SLC4A4: variants seen among roughly 807,000 people sequenced by gnomAD.
SLC4A4 encodes electrogenic sodium bicarbonate cotransporter 1.
SLC4A4 carries 27 observed loss-of-function variants against 111.5 expected under a neutral mutation model. The ratio of observed to expected loss-of-function variants is 0.24; its 90% CI spans 0.18 to 0.33. The LOEUF (loss-of-function observed/expected upper bound fraction) is 0.33. Ranked by LOEUF, SLC4A4 falls within the 10% of genes least tolerant of loss-of-function variation. SLC4A4 has a pLI of 1.00. For missense variants in SLC4A4, 909 were observed against 1,315.5 expected (o/e 0.69, Z 4.78); for synonymous variants, 443 against 463.4 (o/e 0.96, Z 0.57).
At chr4:71,376,885 C>T (rs564705677) in intron 6 of SLC4A4, among the ~76,000 whole-genome samples, 1 of 152,156 alleles carries the variant, frequency 6.6e-6, no homozygotes, top group Non-Finnish European at 1.5e-5. Flanking sequence ...TATCCACCTG[C>T]CTCAGCCTCC....
At chr4:71,135,677 T>A (rs907048471) in intron 2 of SLC4A4, among the ~76,000 whole-genome samples, 4 of 152,224 alleles carry the variant, frequency 2.6e-5, no homozygotes, top group Admixed American at 2.6e-4. Context: ...ATAGATTTCT[T>A]GAACTTATTT....
At chr4:71,232,516 GTCC>G (rs1719501629) in intron 1 of SLC4A4, among the ~76,000 whole-genome samples, 3 of 152,142 alleles carry the variant, frequency 2.0e-5, no homozygotes, top group Admixed American at 2.0e-4. Flanking sequence ...GGATCAAGCA[GTCC>G]TCCTATCTCA....
chr4:71,100,567 A>G (rs1742697102), intron 2 of SLC4A4, among the ~76,000 whole-genome samples: 1 of 152,316 alleles, frequency 6.6e-6, no homozygotes, highest in South Asian at 2.1e-4. Flanking sequence ...CACAACATCT[A>G]TTCAACATAG....
At chr4:71,421,171 G>A (rs1371133924) in intron 7 of SLC4A4, among the ~76,000 whole-genome samples, 2 of 151,726 alleles carry the variant, frequency 1.3e-5, no homozygotes, top group Non-Finnish European at 2.9e-5. Flanking sequence ...ACAAAAAAAG[G>A]TAGGGGTTTC....
chr4:71,435,076 A>G (rs1001240568), intron 7 of SLC4A4, among the ~76,000 whole-genome samples: 8 of 152,216 alleles, frequency 5.3e-5, no homozygotes, highest in Non-Finnish European at 1.0e-4. Flanking sequence ...ACTACTTTGA[A>G]GTTCACATGG....
intron 18 of SLC4A4, among the ~76,000 whole-genome samples, chr4:71,539,168 T>A (rs1238195239): frequency 1.3e-5 from 2 of 152,142 alleles, no homozygotes; most frequent in Admixed American, 6.6e-5. Flanking sequence ...TCATTTTTCC[T>A]TTTTATTTCT....
intron 24 of SLC4A4, among the ~76,000 whole-genome samples, chr4:71,565,198 T>C (rs770839840): frequency 6.6e-6 from 1 of 151,898 alleles, no homozygotes; most frequent in Non-Finnish European, 1.5e-5. Flanking sequence ...AACTCATTTA[T>C]TTGGCCCACG....
At chr4:71,537,190 T>C (rs955423851) in intron 18 of SLC4A4, among the ~76,000 whole-genome samples, 1 of 151,878 alleles carries the variant, frequency 6.6e-6, no homozygotes, top group Non-Finnish European at 1.5e-5. Context: ...TTCTTAGTAA[T>C]ATCCTCTCCT....
At chr4:71,175,501 G>A (rs1578551989) in intron 2 of SLC4A4, among the ~76,000 whole-genome samples, 1 of 152,216 alleles carries the variant, frequency 6.6e-6, no homozygotes, top group East Asian at 1.9e-4. Flanking sequence ...TTTTCCAATG[G>A]TCTTAGCAAA....
At chr4:71,512,694 A>T (rs1400540269) in intron 16 of SLC4A4, among the ~76,000 whole-genome samples, 1 of 152,142 alleles carries the variant, frequency 6.6e-6, no homozygotes, top group Non-Finnish European at 1.5e-5. Context: ...GATCTTAATC[A>T]TAAATTATTT....
chr4:71,345,921 A>G (rs1051363310), intron 4 of SLC4A4, among the ~76,000 whole-genome samples: 12 of 152,092 alleles, frequency 7.9e-5, no homozygotes, highest in Non-Finnish European at 1.5e-4. Flanking sequence ...CATTTTTCCC[A>G]GGTACACACT....
At chr4:71,377,953 G>C (rs1732563760) in intron 6 of SLC4A4, among the ~76,000 whole-genome samples, 1 of 152,092 alleles carries the variant, frequency 6.6e-6, no homozygotes, top group Admixed American at 6.5e-5. Context: ...GAGGTGAAAG[G>C]CACTTCTTAT....
rs73828127 is a variant in SLC4A4, at chr4:71,386,127, A to C, written c.731-11450A>C. ...AATTTTCTTCCAGTCCTTTGAAATC[A>C]TGTTCCCATTATCTTCTACCATTCT... On this transcript the variant is annotated intron_variant, in intron 6 of 25. Coordinates refer to ENST00000264485, the MANE Select transcript of SLC4A4 (RefSeq NM_001098484.3). Among the ~76,000 whole-genome samples, 1,281 of 152,050 alleles carry C rather than the reference A, an allele frequency of 8.4e-3. 20 individuals carry two copies. The highest frequency in any genetic ancestry group is 0.027 in the African/African-American group (1,132 of 41,492).
chr4:71,344,813 G>A (rs559994351), intron 4 of SLC4A4, among the ~76,000 whole-genome samples: 22 of 151,916 alleles, frequency 1.4e-4, no homozygotes, highest in Non-Finnish European at 2.6e-4. Flanking sequence ...GTTCAGTTTA[G>A]GATATTCTTG....
intron 12 of SLC4A4, among the ~76,000 whole-genome samples, chr4:71,457,917 C>T (rs1393160300): frequency 6.6e-6 from 1 of 152,086 alleles, no homozygotes; most frequent in Non-Finnish European, 1.5e-5. Flanking sequence ...CTCTAGGTTA[C>T]TTATAATGCC....
At chr4:71,178,531 C>A (rs1055601136) in intron 2 of SLC4A4, among the ~76,000 whole-genome samples, 3 of 152,124 alleles carry the variant, frequency 2.0e-5, no homozygotes, top group Non-Finnish European at 4.4e-5. Flanking sequence ...GATATCACCA[C>A]CATCCCACAG....
At position 71,568,577 on chromosome 4, in the gene SLC4A4, T is replaced by C. The variant is rs1293537760; in HGVS notation, c.*826T>C. On this transcript the variant is annotated 3_prime_UTR_variant, in exon 26 of 26. Coordinates refer to ENST00000264485, the MANE Select transcript of SLC4A4 (RefSeq NM_001098484.3). ...AGAATATTTTTCTTCCTAGATTTTG[T>C]TGTTTAAATTATGGGGCCTAACCTG... is the stretch of plus-strand genomic sequence containing the variant. 1.3e-5 allele frequency: 2 copies of C among 152,244 alleles called. No homozygotes were observed. The highest frequency in any genetic ancestry group is 3.9e-4 in the East Asian group (2 of 5,134). The allele number at this position is 152,244 out of a possible 1,614,324, so 9.4% of individuals were successfully genotyped here.
At chr4:71,296,959 A>C (rs1194900833) in intron 3 of SLC4A4, among the ~76,000 whole-genome samples, 1 of 152,220 alleles carries the variant, frequency 6.6e-6, no homozygotes, top group Non-Finnish European at 1.5e-5. Flanking sequence ...CTAATCTTCT[A>C]TTAAAGATAA....
chr4:71,192,583 G>A (rs1426178420), intron 1 of SLC4A4, among the ~76,000 whole-genome samples: 1 of 152,186 alleles, frequency 6.6e-6, no homozygotes, highest in Non-Finnish European at 1.5e-5. Flanking sequence ...CACAGTGGTT[G>A]AGGACTATTT....
Sources: allele counts gnomAD v4.1 joint callset (sites outside exome capture counted in the v4.1 genomes callset), GRCh38; gene constraint gnomAD v4.1.1; transcripts MANE v1.5; gene names NCBI Gene and HGNC (gene_info 2026-07-23, HGNC 2026-07-21).